Variants in CHRNA5 observed in about 807,000 individuals in gnomAD.
The protein encoded by CHRNA5 is cholinergic receptor nicotinic alpha 5 subunit, also known as neuronal acetylcholine receptor subunit alpha-5.
In CHRNA5, 28 loss-of-function variants were observed where a neutral mutation model predicts 41.2. That is an observed-to-expected ratio of 0.68 (90% CI 0.50 to 0.93). The LOEUF (loss-of-function observed/expected upper bound fraction) is 0.93, where lower values mean the gene tolerates loss of function less well. Ranked by LOEUF, CHRNA5 falls within the 40% of genes least tolerant of loss-of-function variation. The probability of loss-of-function intolerance (pLI) is 0.00; values close to 1 mark genes in which losing one functional copy is unlikely to be tolerated. For missense variants in CHRNA5, 481 were observed against 581.9 expected (o/e 0.83, Z 1.78); for synonymous variants, 188 against 205.8 (o/e 0.91, Z 0.74).
At chr15:78,570,420 G>A (rs664172) in intron 1 of CHRNA5, among the ~76,000 whole-genome samples, 36,985 of 124,704 alleles carry the variant, frequency 0.3, 5,806 homozygotes, top group East Asian at 0.55. Context: ...CACCAATCCC[G>A]GCTATTTTTT....
chr15:78,582,067 T>TG lies in CHRNA5; in HGVS notation c.258+1105_258+1106insG, dbSNP rs1159847658. Among the ~76,000 whole-genome samples, 7 of 152,348 alleles carry TG rather than the reference T, an allele frequency of 4.6e-5. No individual in the cohort carries two copies. In the East Asian group the frequency reaches 1.2e-3, roughly 25 times the overall value. ...TTAGTGAACCAAAGGATATACCTTT[T>TG]TCAAAGTCTATTGCTATGTCATCTA... On this transcript the variant is annotated intron_variant, in intron 2 of 5. Transcript: ENST00000299565.
chr15:78,586,083 T>G (rs2052958844), intron 2 of CHRNA5, among the ~76,000 whole-genome samples: 1 of 152,150 alleles, frequency 6.6e-6, no homozygotes, highest in African/African-American at 2.4e-5. Flanking sequence ...CATAAGCCAC[T>G]GCGCCCAGCC....
exon 6 of CHRNA5, chr15:78,594,786 TTC>T (rs1372248098): frequency 1.3e-5 from 2 of 152,260 alleles, no homozygotes; most frequent in South Asian, 4.1e-4. Context: ...TATTTCAGTT[TTC>T]TCTCCTTCAT....
exon 6 of CHRNA5, chr15:78,593,545 C>T (rs199612620): frequency 2.4e-5 from 5 of 205,098 alleles, no homozygotes; most frequent in Non-Finnish European, 3.9e-5. Flanking sequence ...TTATAATCCA[C>T]AGTAAAGTTC....
At chr15:78,593,407 T>G in exon 6 of CHRNA5, 1 of 661,932 alleles carries the variant, frequency 1.5e-6, no homozygotes, top group East Asian at 3.0e-5. Flanking sequence ...ATGATCCATT[T>G]GAACAGTTGG....
chr15:78,576,100 T>A (rs1031384178), intron 1 of CHRNA5, among the ~76,000 whole-genome samples: 1 of 152,210 alleles, frequency 6.6e-6, no homozygotes, highest in Non-Finnish European at 1.5e-5. Context: ...CCTTTTGATG[T>A]AAGGGATCTT....
At chr15:78,573,923 A>G (rs1166009304) in intron 1 of CHRNA5, among the ~76,000 whole-genome samples, 1 of 145,818 alleles carries the variant, frequency 6.9e-6, no homozygotes, top group Non-Finnish European at 1.5e-5. Flanking sequence ...CAGCCTCCTG[A>G]GTAGCTGGGA....
intron 1 of CHRNA5, among the ~76,000 whole-genome samples, chr15:78,579,816 T>G (rs2052894158): frequency 1.3e-5 from 2 of 152,228 alleles, no homozygotes. Flanking sequence ...CCCTTCTTGC[T>G]GCATTTTCTT....
intron 2 of CHRNA5, among the ~76,000 whole-genome samples, chr15:78,584,190 T>C (rs568885519): frequency 1.3e-5 from 2 of 152,282 alleles, no homozygotes; most frequent in East Asian, 3.9e-4. Flanking sequence ...GTCTGAGATG[T>C]TTTAGGTTCC....
intron 1 of CHRNA5, among the ~76,000 whole-genome samples, chr15:78,574,623 G>A (rs1030321387): frequency 5.9e-5 from 9 of 152,010 alleles, no homozygotes; most frequent in African/African-American, 7.2e-5. Context: ...TCAAAAAGTC[G>A]TTGCCATACC....
chr15:78,580,680 A>C, intron 1 of CHRNA5, 131 bp from the exon 2 acceptor site: 1 of 578,542 alleles, frequency 1.7e-6, no homozygotes, highest in Non-Finnish European at 3.0e-6. Context: ...TCCATGGCCC[A>C]GGTTGGAGTG....
At chr15:78,580,346 T>C (rs1295843581) in intron 1 of CHRNA5, among the ~76,000 whole-genome samples, 2 of 149,416 alleles carry the variant, frequency 1.3e-5, no homozygotes, top group Non-Finnish European at 1.5e-5. Context: ...AATTGATAAA[T>C]GAGCTTTGCT....
intron 1 of CHRNA5, among the ~76,000 whole-genome samples, chr15:78,566,199 CTG>C (rs923865839): frequency 6.6e-6 from 1 of 152,074 alleles, no homozygotes; most frequent in African/African-American, 2.4e-5. Context: ...TATAGAGACT[CTG>C]GGGTTCATTC....
intron 2 of CHRNA5, 135 bp downstream of exon 2, chr15:78,581,097 G>A: frequency 1.3e-6 from 1 of 761,406 alleles, no homozygotes; most frequent in East Asian, 2.6e-5. Flanking sequence ...AACTCACCAG[G>A]GAAAAGTAGT....
In CHRNA5 at chr15:78,590,439, C is replaced by G. The variant is rs767663657; in HGVS notation, c.1048C>G (p.Pro350Ala). The G allele has an allele frequency of 1.2e-6, 2 of 1,614,182 alleles. No individual in the cohort carries two copies. The highest frequency in any genetic ancestry group is 1.7e-6 in the Non-Finnish European group (2 of 1,180,036). Reference sequence around the variant, plus strand: ...TTCCTCAACACATAATGCCATGGCGCCTTTGGTCCGCAAGATATTTCTTCA... The same window carrying G: ...TTCCTCAACACATAATGCCATGGCGGCTTTGGTCCGCAAGATATTTCTTCA... The change falls in exon 5 of 6, where the codon CCT becomes GCT. Residue 350 changes from proline (P) to alanine (A), a missense_variant. By Grantham distance (27) the Pro-to-Ala change is conservative (BLOSUM62 -1). Coordinates refer to ENST00000299565, the Ensembl canonical transcript of CHRNA5.
Position 78,588,443 on chromosome 15 carries a change from T to C in CHRNA5, c.413+20T>C, listed in dbSNP as rs527893898. Reference sequence around the variant, plus strand: ...TGATAAGTAAGTTATATTCTAAATATAGTTTTATATTTTCAAAAGAAAACA... The same window carrying C: ...TGATAAGTAAGTTATATTCTAAATACAGTTTTATATTTTCAAAAGAAAACA... On this transcript the variant is annotated intron_variant, in intron 4 of 5. Transcript: ENST00000299565. The surrounding 1 kb of genome is among the most constrained non-coding windows in gnomAD (Gnocchi z 4.1). The C allele has an allele frequency of 3.5e-6, 4 of 1,145,692 alleles. No homozygotes were observed. Among genetic ancestry groups the C allele is most frequent in the East Asian group, 2.7e-5 (1 of 37,508 alleles). 71.0% of individuals were successfully genotyped at this position (1,145,692 alleles called of 1,614,324 possible). A position where few individuals can be genotyped will look rare whatever the true frequency, so the allele number is the denominator to read the frequency against.
intron 1 of CHRNA5, among the ~76,000 whole-genome samples, chr15:78,577,371 T>C (rs2052868397): frequency 6.6e-6 from 1 of 152,226 alleles, no homozygotes; most frequent in Non-Finnish European, 1.5e-5. Context: ...CTAAGAAGAA[T>C]TTAAGTGCAC....
chr15:78,580,625 A>G (rs1013865236), intron 1 of CHRNA5, among the ~76,000 whole-genome samples, 186 bp from the exon 2 acceptor site: 6 of 151,614 alleles, frequency 4.0e-5, no homozygotes, highest in African/African-American at 1.5e-4. Context: ...TTCATTAATA[A>G]TCTGAACTTT....
At chr15:78,579,694 A>G (rs768617288) in intron 1 of CHRNA5, among the ~76,000 whole-genome samples, 2 of 152,132 alleles carry the variant, frequency 1.3e-5, no homozygotes, top group Non-Finnish European at 2.9e-5. Flanking sequence ...TTCTCTTCCC[A>G]TAGATGGCTT....
Sources: allele counts gnomAD v4.1 joint callset (sites outside exome capture counted in the v4.1 genomes callset), GRCh38; gene constraint gnomAD v4.1.1; non-coding constraint Gnocchi (gnomAD v3.1); transcripts MANE v1.5; gene names NCBI Gene and HGNC (gene_info 2026-07-23, HGNC 2026-07-21).